The following EPHB2 variants were observed in gnomAD, a reference collection of about 807,000 sequenced individuals.
EPHB2 encodes the protein EPH receptor B2, also known as ephrin type-B receptor 2.
In EPHB2, 18 loss-of-function variants were observed where a neutral mutation model predicts 96.4. The ratio of observed to expected loss-of-function variants is 0.19; its 90% CI spans 0.13 to 0.28. The LOEUF is 0.28. Ranked by LOEUF, EPHB2 falls within the 10% of genes least tolerant of loss-of-function variation. The pLI is 1.00. For synonymous variants in EPHB2, 506 were observed against 534.1 expected (o/e 0.95, Z 0.72); for missense variants, 989 against 1,355.4 (o/e 0.73, Z 4.25).
In EPHB2 at chr1:22,896,419, G is replaced by A. The variant is rs1639564881; in HGVS notation, c.1706G>A (p.Gly569Glu). 2 of 1,614,032 alleles carry A rather than the reference G, an allele frequency of 1.2e-6. No individual in the cohort carries two copies. Among genetic ancestry groups the A allele is most frequent in the African/African-American group, 1.3e-5 (1 of 74,914 alleles). Residue 569 changes from glycine (G) to glutamate (E), a missense_variant, in exon 9 of 16, where the codon GGG becomes GAG. Gly to Glu is a moderately conservative substitution (Grantham distance 98, BLOSUM62 -2). Transcript: ENST00000374630. ...VVIAIVCNRRGFERADSEYTD... is the reference protein window; with the variant it reads ...VVIAIVCNRREFERADSEYTD... ...CTTTGCTCTTGTTCCAGAAGACGGGGGTTTGAGCGTGCTGACTCGGAGTAC... is the reference window on the plus strand; with the variant it reads ...CTTTGCTCTTGTTCCAGAAGACGGGAGTTTGAGCGTGCTGACTCGGAGTAC...
intron 6 of EPHB2, among the ~76,000 whole-genome samples, chr1:22,886,826 A>G (rs1311072541): frequency 6.6e-6 from 1 of 151,874 alleles, no homozygotes; most frequent in Non-Finnish European, 1.5e-5. Context: ...GGGTTTCTCC[A>G]TGTTGATCAG....
intron 3 of EPHB2, among the ~76,000 whole-genome samples, chr1:22,840,432 C>T (rs1327925386): frequency 6.6e-6 from 1 of 152,044 alleles, no homozygotes; most frequent in Non-Finnish European, 1.5e-5. Context: ...GTGGTAAAAC[C>T]TTGGATGGAA....
At chr1:22,768,008 C>A (rs577551828) in intron 1 of EPHB2, among the ~76,000 whole-genome samples, 39 of 152,248 alleles carry the variant, frequency 2.6e-4, no homozygotes, top group Non-Finnish European at 3.8e-4. Flanking sequence ...GCAAGAGAGC[C>A]CAGGGAGTCA....
At position 22,921,464 on chromosome 1, in the gene EPHB2, G is replaced by A. The variant is rs560930305; in HGVS notation, c.*7894G>A. 1.3e-5 allele frequency: 2 copies of A among 152,188 alleles called. No individual in the cohort carries two copies. The highest frequency in any genetic ancestry group is 6.5e-5 in the Admixed American group (1 of 15,290). The allele number at this position is 152,188 out of a possible 1,614,324, so 9.4% of individuals were successfully genotyped here. Reference sequence around the variant, plus strand: ...TTGTAGGAGTATTTTTAGCAGAACCGTTTTTTTCCCAAAATAAATGTGAAT... The same window carrying A: ...TTGTAGGAGTATTTTTAGCAGAACCATTTTTTTCCCAAAATAAATGTGAAT... On this transcript the variant is annotated 3_prime_UTR_variant, in exon 16 of 16. Coordinates refer to ENST00000374630, the MANE Select transcript of EPHB2 (RefSeq NM_017449.5).
intron 3 of EPHB2, among the ~76,000 whole-genome samples, chr1:22,840,021 G>A (rs1645442655): frequency 6.6e-6 from 1 of 152,200 alleles, no homozygotes; most frequent in African/African-American, 2.4e-5. Context: ...CCCTGGCGCA[G>A]TGCCTGGCTG....
rs1474277997 is a variant in EPHB2 at position 22,749,719 on chromosome 1, C to CCATT, written c.62-31688_62-31685dup. Among the ~76,000 whole-genome samples, 4 of 152,202 alleles carry CCATT rather than the reference C, an allele frequency of 2.6e-5. No individual in the cohort carries two copies. In the East Asian group the frequency reaches 5.8e-4, roughly 22 times the overall value. On this transcript the variant is annotated intron_variant, in intron 1 of 15. Transcript: ENST00000374630. ...ACAGGGTGGCTTATGTCTACCGGAG[C>CCATT]CATTCATTCATTCATTCGTTCATTC...
intron 3 of EPHB2, among the ~76,000 whole-genome samples, chr1:22,804,880 T>C (rs1051002235): frequency 1.3e-5 from 2 of 151,318 alleles, no homozygotes; most frequent in Admixed American, 6.6e-5. Context: ...GCCTCCCCAC[T>C]TGTCTCTCTC....
intron 9 of EPHB2, among the ~76,000 whole-genome samples, chr1:22,904,812 C>T (rs1381373402): frequency 6.6e-6 from 1 of 152,172 alleles, no homozygotes; most frequent in Non-Finnish European, 1.5e-5. Flanking sequence ...GCCTAGATTC[C>T]TGGAATGTCT....
intron 9 of EPHB2, among the ~76,000 whole-genome samples, chr1:22,899,483 A>G (rs1639680583): frequency 6.6e-6 from 1 of 152,142 alleles, no homozygotes; most frequent in South Asian, 2.1e-4. Flanking sequence ...CCTAGGCAAC[A>G]AGAGTGAAAC....
Position 22,758,662 on chromosome 1 carries a change from C to T in EPHB2, c.62-22759C>T, listed in dbSNP as rs1644190483. Among the ~76,000 whole-genome samples, 3 of 151,658 alleles carry T rather than the reference C, an allele frequency of 2.0e-5. No individual in the cohort carries two copies. The South Asian group carries it at 6.3e-4, about 32-fold the overall frequency. On this transcript the variant is annotated intron_variant, in intron 1 of 15. Coordinates refer to ENST00000374630, the MANE Select transcript of EPHB2 (RefSeq NM_017449.5). The stretch of plus-strand genomic sequence containing the variant: ...TGCCACCTCTCACACATGGTCTTTC[C>T]CTGCATGATCAGGTCACCTTTCTAG...
chr1:22,747,351 A>G (rs1262309554), intron 1 of EPHB2, among the ~76,000 whole-genome samples: 1 of 152,166 alleles, frequency 6.6e-6, no homozygotes, highest in Non-Finnish European at 1.5e-5. Flanking sequence ...GAGTTATATT[A>G]CTTAATCCTT....
At chr1:22,741,379 C>T (rs1309225943) in intron 1 of EPHB2, among the ~76,000 whole-genome samples, 3 of 152,064 alleles carry the variant, frequency 2.0e-5, no homozygotes, top group African/African-American at 4.8e-5. Context: ...CCTCCCCTGA[C>T]GACACCTGGC....
chr1:22,817,605 T>C (rs1261152493), intron 3 of EPHB2, among the ~76,000 whole-genome samples: 1 of 152,222 alleles, frequency 6.6e-6, no homozygotes, highest in Non-Finnish European at 1.5e-5. Context: ...CTTGGAGTTT[T>C]CAGAGCTTGG....
intron 1 of EPHB2, among the ~76,000 whole-genome samples, chr1:22,765,114 A>C (rs1644289290): frequency 6.6e-6 from 1 of 152,124 alleles, no homozygotes; most frequent in Non-Finnish European, 1.5e-5. Context: ...GGAGCCGGAC[A>C]TTCTGGGAAC....
rs140139415 is a variant in EPHB2 at position 22,903,309 on chromosome 1, G to A, written c.1766-2678G>A. 1.7e-3 allele frequency among the ~76,000 whole-genome samples: 266 copies of A among 152,340 alleles called. 2 individuals carry two copies. The highest frequency in any genetic ancestry group is 6.1e-3 in the African/African-American group (254 of 41,584). On this transcript the variant is annotated intron_variant, in intron 9 of 15. Transcript: ENST00000374630. ...CTCCCTGAGTCATGTTGGGAGGGAG[G>A]CTGAAAGCCAGTTGTCAAGAACCAC... is the stretch of plus-strand genomic sequence containing the variant.
intron 1 of EPHB2, among the ~76,000 whole-genome samples, chr1:22,763,276 T>C (rs761854747): frequency 3.5e-4 from 54 of 152,136 alleles, no homozygotes; most frequent in Non-Finnish European, 6.3e-4. Context: ...TCCTGTCTCA[T>C]TGGGCTTTGG....
intron 3 of EPHB2, among the ~76,000 whole-genome samples, chr1:22,861,403 T>G (rs1214004598): frequency 1.3e-5 from 2 of 152,156 alleles, no homozygotes; most frequent in Non-Finnish European, 2.9e-5. Flanking sequence ...TCTGGGAGGC[T>G]GAGGCAGGAG....
At chr1:22,901,820 A>AGTGTGTGT (rs57503593) in intron 9 of EPHB2, among the ~76,000 whole-genome samples, 9,402 of 148,334 alleles carry the variant, frequency 0.063, 317 homozygotes, top group African/African-American at 0.089. Flanking sequence ...TGTGTGTGTG[A>AGTGTGTGT]GTGTGTGTGT....
intron 1 of EPHB2, among the ~76,000 whole-genome samples, chr1:22,722,758 C>G (rs1041236503): frequency 8.5e-5 from 13 of 152,350 alleles, no homozygotes; most frequent in African/African-American, 2.6e-4. Flanking sequence ...CGTTGGACCT[C>G]TGGCTCTGAC....
Sources: gnomAD v4.1 joint callset for allele counts (sites outside exome capture counted in the v4.1 genomes callset) on GRCh38, gnomAD v4.1.1 for gene constraint, MANE v1.5 for transcripts, NCBI Gene and HGNC (gene_info 2026-07-23, HGNC 2026-07-21) for gene names.